The following CACNA1C variants were observed in gnomAD, a reference collection of about 807,000 sequenced individuals.
CACNA1C encodes the protein voltage-dependent L-type calcium channel subunit alpha-1C.
CACNA1C carries 30 observed loss-of-function variants against 229.0 expected under a neutral mutation model. That is an observed-to-expected ratio of 0.13 (90% CI 0.10 to 0.18). The LOEUF (loss-of-function observed/expected upper bound fraction) is 0.18, where lower values mean the gene tolerates loss of function less well. Ranked by LOEUF, CACNA1C falls within the 10% of genes least tolerant of loss-of-function variation. CACNA1C has a pLI of 1.00. For missense variants in CACNA1C, 1,658 were observed against 2,845.0 expected, an observed-to-expected ratio of 0.58 and a Z score of 9.49; for synonymous variants, 1,114 against 1,132.5, an observed-to-expected ratio of 0.98 and a Z score of 0.33.
intron 9 of CACNA1C, among the ~76,000 whole-genome samples, chr12:2,528,423 T>C (rs534136110): frequency 8.1e-4 from 124 of 152,298 alleles, no homozygotes; most frequent in African/African-American, 2.9e-3. Context: ...GTCCTCAGAC[T>C]CCTGGAATTG....
At chr12:1,989,374 C>G (rs1383974983) in intron 1 of CACNA1C, among the ~76,000 whole-genome samples, 1 of 150,910 alleles carries the variant, frequency 6.6e-6, no homozygotes, top group African/African-American at 2.4e-5. Context: ...GGAGCAGGAG[C>G]AGAGCAAAGA....
At chr12:2,298,410 T>A (rs906410920) in intron 3 of CACNA1C, among the ~76,000 whole-genome samples, 1 of 152,240 alleles carries the variant, frequency 6.6e-6, no homozygotes, top group African/African-American at 2.4e-5. Context: ...GCGATTCTTG[T>A]GCCTTAGCCT....
At chr12:2,089,047 A>G (rs1192626754) in intron 1 of CACNA1C, among the ~76,000 whole-genome samples, 1 of 152,130 alleles carries the variant, frequency 6.6e-6, no homozygotes, top group East Asian at 1.9e-4. Flanking sequence ...AGTCCAACCA[A>G]CTTGAAGTGG....
intron 1 of CACNA1C, among the ~76,000 whole-genome samples, chr12:2,110,273 A>G (rs777154360): frequency 6.6e-6 from 1 of 152,210 alleles, no homozygotes; most frequent in Non-Finnish European, 1.5e-5. Flanking sequence ...GAGGACGCAG[A>G]TGCTGTCTTC....
rs1426533435 is a variant in CACNA1C, at chr12:2,653,596, G to A, written c.4075-239G>A. Among the ~76,000 whole-genome samples the A allele has an allele frequency of 1.3e-5, 2 of 152,142 alleles. No homozygotes were observed. The highest frequency in any genetic ancestry group is 2.9e-5 in the Non-Finnish European group (2 of 68,024). ...TTGATTGTTTTGCCCAGGTAGTGTC[G>A]CACTATATCGTTACTCTGCGGCCTG... is the stretch of plus-strand genomic sequence containing the variant. On this transcript the variant is annotated intron_variant, in intron 32 of 46. Transcript: ENST00000399655. This position sits in a 1 kb window ranked among gnomAD's most constrained non-coding sequence, Gnocchi z 4.7.
Sources: gnomAD v4.1 joint callset for allele counts (sites outside exome capture counted in the v4.1 genomes callset) on GRCh38, gnomAD v4.1.1 for gene constraint, Gnocchi (gnomAD v3.1) non-coding constraint, MANE v1.5 for transcripts, NCBI Gene and HGNC (gene_info 2026-07-23, HGNC 2026-07-21) for gene names.